NDUFS7: variants seen among roughly 807,000 people sequenced by gnomAD.
NDUFS7 encodes the protein NADH:ubiquinone oxidoreductase core subunit S7, also known as NADH dehydrogenase [ubiquinone] iron-sulfur protein 7, mitochondrial.
Under a neutral mutation model 31.1 loss-of-function variants are expected in NDUFS7, and 11 were observed. The observed-to-expected ratio is 0.35, with a 90% confidence interval of 0.22 to 0.59. NDUFS7 has a LOEUF of 0.59. NDUFS7 is among the 20% of genes least tolerant of loss of function. The pLI is 0.79. For missense variants in NDUFS7, 263 were observed against 324.2 expected (o/e 0.81, Z 1.45); for synonymous variants, 136 against 127.9 (o/e 1.06, Z -0.43).
chr19:1,388,281 G>T, intron 2 of NDUFS7: 1 of 602,922 alleles, frequency 1.7e-6, no homozygotes, highest in Non-Finnish European at 3.0e-6. Context: ...GACCGTCCTT[G>T]CTTGGACACT....
At position 1,388,019 on chromosome 19, in the gene NDUFS7, C is replaced by G. The variant is rs562591774; in HGVS notation, c.53+172C>G. 54 of 711,128 alleles carry G rather than the reference C, an allele frequency of 7.6e-5. No individual in the cohort carries two copies. In the East Asian group the frequency reaches 1.3e-3, roughly 18 times the overall value. 44.1% of individuals were successfully genotyped at this position (711,128 alleles called of 1,614,324 possible). On this transcript the variant is annotated intron_variant, in intron 2 of 7. Transcript: ENST00000233627. ...CTGCCCGTGATGTGCCGGGACCCTC[C>G]CTGGGACAGTCCACGCAGTGGCAAA... is the stretch of plus-strand genomic sequence containing the variant.
At chr19:1,390,468 T>G in intron 4 of NDUFS7, 2 of 291,628 alleles carry the variant, frequency 6.9e-6, no homozygotes, top group Admixed American at 4.8e-5. Context: ...CTGAGAGGGC[T>G]TCCTGGAGGC....
intron 2 of NDUFS7, 191 bp downstream of exon 2, chr19:1,388,038 T>A: frequency 1.5e-6 from 1 of 667,088 alleles, no homozygotes; most frequent in Non-Finnish European, 2.7e-6. Context: ...GTCCACGCAG[T>A]GGCAAAGGCT....
Position 1,393,990 on chromosome 19 carries a change from C to T in NDUFS7, c.544+660C>T, listed in dbSNP as rs1373043836. Reference sequence around the variant, plus strand: ...GAGGGCCATCCCCCCGGGCGTTCACCTTGACAGTGGTCCACGGTAGGCAGG... The same window carrying T: ...GAGGGCCATCCCCCCGGGCGTTCACTTTGACAGTGGTCCACGGTAGGCAGG... On this transcript the variant is annotated intron_variant, in intron 7 of 7. Coordinates refer to ENST00000233627, the MANE Select transcript of NDUFS7 (RefSeq NM_024407.5). The surrounding 1 kb of genome is among the most constrained non-coding windows in gnomAD (Gnocchi z 7.3). 1 of 252,152 alleles carries T rather than the reference C, an allele frequency of 4.0e-6. No individual in the cohort carries two copies. The highest frequency in any genetic ancestry group is 7.9e-6 in the Non-Finnish European group (1 of 127,246). The allele number at this position is 252,152 out of a possible 1,614,324, so 15.6% of individuals were successfully genotyped here. A position where few individuals can be genotyped will look rare whatever the true frequency, so the allele number is the denominator to read the frequency against.
At chr19:1,389,441 G>A (rs977624209) in intron 4 of NDUFS7, 20 of 457,850 alleles carry the variant, frequency 4.4e-5, no homozygotes, top group South Asian at 1.1e-4. Context: ...GGAGCAGGGC[G>A]GACCCTCCCG....
intron 6 of NDUFS7, 131 bp downstream of exon 6, chr19:1,391,296 A>T (rs1235385079): frequency 8.3e-7 from 1 of 1,205,862 alleles, no homozygotes; most frequent in Non-Finnish European, 1.2e-6. Flanking sequence ...GCTGCCCTTC[A>T]GCCGTCTCGG....
At chr19:1,394,143 G>A (rs1227413495) in intron 7 of NDUFS7, 2 of 346,574 alleles carry the variant, frequency 5.8e-6, no homozygotes, top group South Asian at 2.2e-5. Context: ...TTGGGCAAGC[G>A]AGAGGCACAT....
chr19:1,387,649 C>T (rs1397382295), intron 1 of NDUFS7, 162 bp from the exon 2 acceptor site: 5 of 682,916 alleles, frequency 7.3e-6, no homozygotes, highest in African/African-American at 3.5e-5. Flanking sequence ...AAGACTCTCT[C>T]GTGTTCTGAA....
At chr19:1,391,473 A>G (rs1432466222) in intron 6 of NDUFS7, among the ~76,000 whole-genome samples, 1 of 142,804 alleles carries the variant, frequency 7.0e-6, no homozygotes, top group African/African-American at 2.6e-5. Flanking sequence ...CTCACTTGCC[A>G]TTAGTTTTTT....
chr19:1,394,109 GC>G (rs1370786205), intron 7 of NDUFS7: 4 of 338,592 alleles, frequency 1.2e-5, no homozygotes, highest in Non-Finnish European at 2.3e-5. Flanking sequence ...AGAGAGCCCA[GC>G]CCTGAGTCCC....
At chr19:1,385,055 A>T (rs561129518) in intron 1 of NDUFS7, among the ~76,000 whole-genome samples, 1 of 152,136 alleles carries the variant, frequency 6.6e-6, no homozygotes, top group Non-Finnish European at 1.5e-5. Context: ...AGTTCAAGCA[A>T]TCCTCCCACC....
At chr19:1,385,817 CT>C (rs1250312566) in intron 1 of NDUFS7, among the ~76,000 whole-genome samples, 1 of 152,152 alleles carries the variant, frequency 6.6e-6, no homozygotes, top group Non-Finnish European at 1.5e-5. Context: ...GAAACTCCGT[CT>C]CAAAACAACA....
Position 1,395,469 on chromosome 19 carries a change from A to C in NDUFS7, c.623A>C (p.Gln208Pro). Residue 208 changes from glutamine (Q) to proline (P), a missense_variant, in exon 8 of 8, where the codon CAG becomes CCG. Gln to Pro is a moderately conservative substitution (Grantham distance 76). Coordinates refer to ENST00000233627, the MANE Select transcript of NDUFS7 (RefSeq NM_024407.5). ...QRKIKRERRL[Q>P]IWYRR ...AAGATCAAGCGGGAGCGGAGGCTGC[A>C]GATCTGGTACCGCAGGTAGCGCCGC... The C allele has an allele frequency of 6.3e-7, 1 of 1,594,230 alleles. No homozygotes were observed. The highest frequency in any genetic ancestry group is 8.5e-7 in the Non-Finnish European group (1 of 1,172,486).
intron 5 of NDUFS7, 25 bp from the exon 6 acceptor site, chr19:1,391,094 C>T (rs369479639): frequency 5.6e-6 from 9 of 1,610,188 alleles, no homozygotes; most frequent in South Asian, 2.2e-5. Flanking sequence ...GAGTGAGCTG[C>T]GCACGGACCC....
At chr19:1,390,515 CAG>C (rs995751912) in intron 4 of NDUFS7, 14 of 409,086 alleles carry the variant, frequency 3.4e-5, no homozygotes, top group Admixed American at 2.3e-4. Context: ...CTAGTTAACG[CAG>C]AGAGTTCCCG....
In NDUFS7 at chr19:1,388,769, G is replaced by A. The variant is rs755110912; in HGVS notation, c.123-64G>A. 5.5e-5 allele frequency: 83 copies of A among 1,514,692 alleles called. No individual in the cohort carries two copies. In the East Asian group the frequency reaches 7.1e-4, roughly 13 times the overall value. The allele number at this position is 1,514,692 out of a possible 1,614,324, so 93.8% of individuals were successfully genotyped here. On this transcript the variant is annotated intron_variant, in intron 3 of 7. Coordinates refer to ENST00000233627, the MANE Select transcript of NDUFS7 (RefSeq NM_024407.5). The stretch of plus-strand genomic sequence containing the variant: ...CCTCTGGCAGCGGCCGTGGGGGCTC[G>A]CATCCGCCTCTGGGAAGCACCTGCG...
Position 1,393,055 on chromosome 19 carries a change from G to A in NDUFS7, c.456-187G>A, listed in dbSNP as rs1033613240. 2.1e-5 allele frequency: 13 copies of A among 618,564 alleles called. No individual in the cohort carries two copies. The highest frequency in any genetic ancestry group is 7.4e-5 in the South Asian group (4 of 53,924). The allele number at this position is 618,564 out of a possible 1,614,324, so 38.3% of individuals were successfully genotyped here. A position where few individuals can be genotyped will look rare whatever the true frequency, so the allele number is the denominator to read the frequency against. ...AGTTATCAGCCACGTGTGAGCTTGC[G>A]CCCCACTGGTCCCACAGAGGCTCTG... On this transcript the variant is annotated intron_variant, in intron 6 of 7. Transcript: ENST00000233627. This position sits in a 1 kb window ranked among gnomAD's most constrained non-coding sequence, Gnocchi z 7.3.
chr19:1,388,173 C>G (rs2082522386), intron 2 of NDUFS7: 1 of 588,354 alleles, frequency 1.7e-6, no homozygotes, highest in East Asian at 2.8e-5. Flanking sequence ...CCTGCAGACC[C>G]AGGTGACTGA....
chr19:1,384,026 C>A, intron 1 of NDUFS7, 84 bp downstream of exon 1: 1 of 1,430,216 alleles, frequency 7.0e-7, no homozygotes, highest in Non-Finnish European at 9.3e-7. Context: ...CGTCGGGGGT[C>A]GGTGCCGGCG....
Sources: gnomAD v4.1 joint callset for allele counts (sites outside exome capture counted in the v4.1 genomes callset) on GRCh38, gnomAD v4.1.1 for gene constraint, Gnocchi (gnomAD v3.1) non-coding constraint, MANE v1.5 for transcripts, NCBI Gene and HGNC (gene_info 2026-07-23, HGNC 2026-07-21) for gene names.